The following LRRC4C variants were observed in gnomAD, a reference collection of about 807,000 sequenced individuals.
The protein encoded by LRRC4C is leucine-rich repeat-containing protein 4C.
A neutral mutation model predicts 33.6 loss-of-function variants in LRRC4C; 5 were observed. The ratio of observed to expected loss-of-function variants is 0.15; its 90% CI spans 0.08 to 0.31. The LOEUF is 0.31. LRRC4C is among the 10% of genes least tolerant of loss of function. The pLI, the probability that LRRC4C is intolerant of heterozygous loss-of-function variation, is 1.00. For synonymous variants in LRRC4C, 329 were observed against 302.0 expected (o/e 1.09, Z -0.93); for missense variants, 560 against 796.7 (o/e 0.70, Z 3.58).
chr11:40,764,687 C>T (rs1949369174), intron 2 of LRRC4C, among the ~76,000 whole-genome samples: 1 of 152,010 alleles, frequency 6.6e-6, no homozygotes, highest in Non-Finnish European at 1.5e-5. Flanking sequence ...GTGGTGGTGG[C>T]CACAGGGGTG....
intron 2 of LRRC4C, among the ~76,000 whole-genome samples, chr11:40,926,061 T>C (rs1158393936): frequency 1.5e-5 from 2 of 135,648 alleles, no homozygotes; most frequent in South Asian, 5.2e-4. Flanking sequence ...AGTCCAAATC[T>C]AAGGGTTTTT....
At chr11:40,719,432 G>A (rs1256484190) in intron 2 of LRRC4C, among the ~76,000 whole-genome samples, 1 of 152,068 alleles carries the variant, frequency 6.6e-6, no homozygotes, top group Non-Finnish European at 1.5e-5. Flanking sequence ...ATTTTTCCAA[G>A]CAAACTTTTA....
chr11:40,933,078 C>T (rs529312764), intron 2 of LRRC4C, among the ~76,000 whole-genome samples: 1 of 152,166 alleles, frequency 6.6e-6, no homozygotes, highest in South Asian at 2.1e-4. Context: ...TTGGATTCTG[C>T]GTGGCAAATA....
At chr11:41,296,599 G>C (rs1401402406) in intron 1 of LRRC4C, among the ~76,000 whole-genome samples, 1 of 152,112 alleles carries the variant, frequency 6.6e-6, no homozygotes. Flanking sequence ...ACAGGCATGA[G>C]TGAATTGGGC....
At chr11:40,248,223 C>T (rs7930568) in intron 4 of LRRC4C, among the ~76,000 whole-genome samples, 25,126 of 152,106 alleles carry the variant, frequency 0.17, 2,570 homozygotes, top group Admixed American at 0.28. Flanking sequence ...AACACCTCTT[C>T]ACCCTCAGTT....
intron 3 of LRRC4C, among the ~76,000 whole-genome samples, chr11:40,363,989 C>A (rs550357241): frequency 3.9e-5 from 6 of 152,236 alleles, no homozygotes; most frequent in African/African-American, 1.4e-4. Flanking sequence ...TCTCTGATGT[C>A]TTTTTCTTAG....
At chr11:40,549,020 G>T (rs575432653) in intron 3 of LRRC4C, among the ~76,000 whole-genome samples, 5 of 152,142 alleles carry the variant, frequency 3.3e-5, no homozygotes, top group South Asian at 2.1e-4. Flanking sequence ...AAGCATTAAG[G>T]TTCATATTAA....
At chr11:40,289,150 G>T (rs1206198678) in intron 4 of LRRC4C, among the ~76,000 whole-genome samples, 2 of 152,114 alleles carry the variant, frequency 1.3e-5, no homozygotes, top group African/African-American at 2.4e-5. Context: ...CCACTGTAAG[G>T]TCAGTTGCAC....
chr11:41,021,289 G>A (rs1449406077), intron 1 of LRRC4C, among the ~76,000 whole-genome samples: 2 of 66,734 alleles, frequency 3.0e-5, no homozygotes, highest in African/African-American at 5.0e-5. Context: ...AAATCTCCAA[G>A]AAATAAAAAA....
intron 3 of LRRC4C, among the ~76,000 whole-genome samples, chr11:40,622,282 T>C (rs1962532308): frequency 6.6e-6 from 1 of 151,920 alleles, no homozygotes; most frequent in Non-Finnish European, 1.5e-5. Flanking sequence ...ACAATGGCTA[T>C]ATGTAAGCAA....
intron 3 of LRRC4C, among the ~76,000 whole-genome samples, chr11:40,623,273 T>A (rs1249130879): frequency 6.6e-6 from 1 of 151,890 alleles, no homozygotes. Context: ...AAACCTTTTT[T>A]AAAAAAATTA....
intron 4 of LRRC4C, among the ~76,000 whole-genome samples, chr11:40,313,159 G>A (rs566308520): frequency 2.0e-5 from 3 of 151,876 alleles, no homozygotes; most frequent in South Asian, 2.1e-4. Context: ...ATTTGTAATC[G>A]ATCAAATAGA....
chr11:41,057,610 G>A (rs1858725994), intron 1 of LRRC4C, among the ~76,000 whole-genome samples: 1 of 152,178 alleles, frequency 6.6e-6, no homozygotes, highest in Admixed American at 6.5e-5. Context: ...CCCCTCTGTG[G>A]CCCATAGAAG....
At chr11:40,370,664 A>G (rs2078380302) in intron 3 of LRRC4C, among the ~76,000 whole-genome samples, 1 of 152,324 alleles carries the variant, frequency 6.6e-6, no homozygotes, top group East Asian at 1.9e-4. Context: ...TTCAGCCCAC[A>G]TTCTGCAACA....
At chr11:40,929,675 C>T (rs1453832336) in intron 2 of LRRC4C, among the ~76,000 whole-genome samples, 1 of 151,904 alleles carries the variant, frequency 6.6e-6, no homozygotes, top group Admixed American at 6.6e-5. Context: ...AGTGCAGTGG[C>T]GCGATCTCGG....
chr11:40,393,622 C>G (rs1038073306), intron 3 of LRRC4C, among the ~76,000 whole-genome samples: 20 of 152,152 alleles, frequency 1.3e-4, no homozygotes, highest in Admixed American at 2.6e-4. Context: ...TGAACATTGA[C>G]TCTGAATCTC....
intron 2 of LRRC4C, among the ~76,000 whole-genome samples, chr11:40,821,492 C>T (rs1295954213): frequency 6.6e-6 from 1 of 151,418 alleles, no homozygotes; most frequent in Non-Finnish European, 1.5e-5. Flanking sequence ...TAAATCCTTA[C>T]AGGTGTAGTC....
chr11:40,788,210 A>G (rs946187959), intron 2 of LRRC4C, among the ~76,000 whole-genome samples: 2 of 152,162 alleles, frequency 1.3e-5, no homozygotes, highest in African/African-American at 4.8e-5. Flanking sequence ...GTGCTTCCCC[A>G]TGGTCATTCT....
intron 3 of LRRC4C, among the ~76,000 whole-genome samples, chr11:40,591,219 C>A (rs574548022): frequency 1.3e-5 from 2 of 152,110 alleles, no homozygotes; most frequent in African/African-American, 2.4e-5. Context: ...GCGCAGTATT[C>A]GGGTGGGAGC....
Sources: gnomAD v4.1 joint callset for allele counts (sites outside exome capture counted in the v4.1 genomes callset) on GRCh38, gnomAD v4.1.1 for gene constraint, MANE v1.5 for transcripts, NCBI Gene and HGNC (gene_info 2026-07-23, HGNC 2026-07-21) for gene names.